PRKCE: variants seen among roughly 807,000 people sequenced by gnomAD.
PRKCE encodes the protein protein kinase C epsilon type.
Under a neutral mutation model 85.4 loss-of-function variants are expected in PRKCE, and 16 were observed. That is an observed-to-expected ratio of 0.19 (90% CI 0.13 to 0.28). The LOEUF is 0.28. PRKCE is among the 10% of genes least tolerant of loss of function. The pLI is 1.00. For synonymous variants in PRKCE, 388 were observed against 371.5 expected, an observed-to-expected ratio of 1.04 and a Z score of -0.51; for missense variants, 573 against 975.2, an observed-to-expected ratio of 0.59 and a Z score of 5.49.
intron 14 of PRKCE, among the ~76,000 whole-genome samples, chr2:46,169,987 G>A (rs554007432): frequency 3.0e-4 from 45 of 152,304 alleles, no homozygotes; most frequent in African/African-American, 9.9e-4. Context: ...TAAAATGAGG[G>A]ACTTAAGTAA....
At chr2:46,177,182 G>A (rs1679508001) in intron 14 of PRKCE, among the ~76,000 whole-genome samples, 1 of 152,226 alleles carries the variant, frequency 6.6e-6, no homozygotes, top group South Asian at 2.1e-4. Context: ...TTGGAAGGCT[G>A]AGGTGGGAGG....
intron 10 of PRKCE, among the ~76,000 whole-genome samples, chr2:46,072,369 A>G (rs1003304304): frequency 1.3e-5 from 2 of 152,254 alleles, no homozygotes; most frequent in Non-Finnish European, 2.9e-5. Flanking sequence ...TTATTAAAGC[A>G]GTCAGAACAT....
intron 2 of PRKCE, among the ~76,000 whole-genome samples, chr2:45,904,579 C>T (rs1696829593): frequency 6.6e-6 from 1 of 152,180 alleles, no homozygotes; most frequent in Non-Finnish European, 1.5e-5. Flanking sequence ...CATTTCTTCC[C>T]CTGCCAAGAA....
intron 10 of PRKCE, among the ~76,000 whole-genome samples, chr2:46,060,399 C>T (rs115903049): frequency 0.029 from 4,466 of 152,244 alleles, 83 homozygotes; most frequent in Non-Finnish European, 0.039. Flanking sequence ...ACAATACCTT[C>T]GTGATGACAC....
intron 2 of PRKCE, among the ~76,000 whole-genome samples, chr2:45,899,567 G>A (rs1263954457): frequency 1.3e-5 from 2 of 151,994 alleles, no homozygotes; most frequent in South Asian, 2.1e-4. Flanking sequence ...TTTTTTTGTA[G>A]AGACGGGGCT....
intron 1 of PRKCE, among the ~76,000 whole-genome samples, chr2:45,728,253 G>A (rs181529865): frequency 3.3e-5 from 5 of 152,304 alleles, no homozygotes; most frequent in African/African-American, 9.6e-5. Flanking sequence ...AAGGATCAAG[G>A]TTAGGGCAAG....
chr2:46,155,803 C>A lies in PRKCE; in HGVS notation c.1921-3803C>A, dbSNP rs1260447048. ...AGTTACCTTTCTCCATCCTTCTCCC[C>A]ACTATCCCCATTGGAGCCACCACCG... is the stretch of plus-strand genomic sequence containing the variant. On this transcript the variant is annotated intron_variant, in intron 13 of 14. Coordinates refer to ENST00000306156, the MANE Select transcript of PRKCE (RefSeq NM_005400.3). The surrounding 1 kb of genome is among the most constrained non-coding windows in gnomAD (Gnocchi z 4.7). Among the ~76,000 whole-genome samples, 3 of 152,166 alleles carry A rather than the reference C, an allele frequency of 2.0e-5. No homozygotes were observed. Among genetic ancestry groups the A allele is most frequent in the Non-Finnish European group, 4.4e-5 (3 of 68,020 alleles).
In PRKCE at chr2:46,065,077, C is replaced by T. The variant is rs72806758; in HGVS notation, c.1438-21131C>T. ...ATATTTAAATTATTCCACACTTCAG[C>T]GCTGGCATCACAGATTATACGATAA... On this transcript the variant is annotated intron_variant, in intron 10 of 14. Transcript: ENST00000306156. Among the ~76,000 whole-genome samples, 1,354 of 152,244 alleles carry T rather than the reference C, an allele frequency of 8.9e-3. 15 individuals are homozygous for T. Among genetic ancestry groups the T allele is most frequent in the South Asian group, 0.059 (286 of 4,812 alleles).
intron 1 of PRKCE, among the ~76,000 whole-genome samples, chr2:45,735,494 C>T (rs1681977823): frequency 6.6e-6 from 1 of 152,230 alleles, no homozygotes; most frequent in Non-Finnish European, 1.5e-5. Flanking sequence ...TTTCTGTACC[C>T]AGGCTCCATC....
At chr2:45,923,247 G>A (rs1698384741) in intron 2 of PRKCE, among the ~76,000 whole-genome samples, 1 of 152,138 alleles carries the variant, frequency 6.6e-6, no homozygotes, top group African/African-American at 2.4e-5. Flanking sequence ...TAAGTCCCTG[G>A]GTCCCTGGTA....
At chr2:45,925,881 G>A (rs1481596624) in intron 2 of PRKCE, among the ~76,000 whole-genome samples, 2 of 152,244 alleles carry the variant, frequency 1.3e-5, no homozygotes, top group Admixed American at 1.3e-4. Context: ...TTTTGCATAA[G>A]CAGATAAAAT....
intron 11 of PRKCE, among the ~76,000 whole-genome samples, chr2:46,107,036 T>C (rs1671782568): frequency 6.6e-6 from 1 of 152,262 alleles, no homozygotes; most frequent in African/African-American, 2.4e-5. Flanking sequence ...GTTTCACTCT[T>C]TGTGCTATAA....
intron 2 of PRKCE, among the ~76,000 whole-genome samples, chr2:45,865,731 A>C (rs1300840862): frequency 1.3e-5 from 2 of 152,024 alleles, no homozygotes; most frequent in Admixed American, 6.6e-5. Flanking sequence ...AGCAGCCCTC[A>C]TCAAACAACT....
At chr2:45,929,336 A>G (rs1698863125) in intron 2 of PRKCE, among the ~76,000 whole-genome samples, 1 of 152,240 alleles carries the variant, frequency 6.6e-6, no homozygotes. Flanking sequence ...GCGATAGCGG[A>G]GCCGTTCCTC....
rs1298877394 is a variant in PRKCE at position 45,697,924 on chromosome 2, T to C, written c.348+45476T>C. On this transcript the variant is annotated intron_variant, in intron 1 of 14. Transcript: ENST00000306156. This position sits in a 1 kb window ranked among gnomAD's most constrained non-coding sequence, Gnocchi z 4.2. ...AAGAAATTGAGAATATTAACACTCTTGCACACATCTTCCTAGACAGGGTGA... is the reference window on the plus strand; with the variant it reads ...AAGAAATTGAGAATATTAACACTCTCGCACACATCTTCCTAGACAGGGTGA... The C allele has an allele frequency of 6.6e-6, 1 of 152,624 alleles. No homozygotes were observed. Among genetic ancestry groups the C allele is most frequent in the Non-Finnish European group, 1.5e-5 (1 of 68,040 alleles). The allele number at this position is 152,624 out of a possible 1,614,324, so 9.5% of individuals were successfully genotyped here.
intron 11 of PRKCE, among the ~76,000 whole-genome samples, chr2:46,126,091 G>C (rs954644755): frequency 6.6e-6 from 1 of 152,204 alleles, no homozygotes; most frequent in African/African-American, 2.4e-5. Flanking sequence ...TCTGGCACAG[G>C]TAATGCTGTT....
intron 2 of PRKCE, among the ~76,000 whole-genome samples, chr2:45,862,711 C>CA (rs1304795251): frequency 6.6e-6 from 1 of 152,172 alleles, no homozygotes; most frequent in Non-Finnish European, 1.5e-5. Flanking sequence ...TGCTAGGACT[C>CA]AGAGCAGGCA....
chr2:45,839,046 G>A (rs944807959), intron 1 of PRKCE, among the ~76,000 whole-genome samples: 2 of 152,176 alleles, frequency 1.3e-5, no homozygotes, highest in Middle Eastern at 3.4e-3. Context: ...CATACAGAGG[G>A]TAGCTGCTTG....
rs1678255721 is a variant in PRKCE at position 45,697,543 on chromosome 2, C to A, written c.348+45095C>A. Among the ~76,000 whole-genome samples, 1 of 152,194 alleles carries A rather than the reference C, an allele frequency of 6.6e-6. No homozygotes were observed. Among genetic ancestry groups the A allele is most frequent in the Non-Finnish European group, 1.5e-5 (1 of 68,048 alleles). ...GGGACAGAGAACAGGCTCTGCTCTT[C>A]ACTCAGGGTGGACTGGTTGGCATCT... On this transcript the variant is annotated intron_variant, in intron 1 of 14. Coordinates refer to ENST00000306156, the MANE Select transcript of PRKCE (RefSeq NM_005400.3). This position sits in a 1 kb window ranked among gnomAD's most constrained non-coding sequence, Gnocchi z 4.2.
Sources: gnomAD v4.1 joint callset for allele counts (sites outside exome capture counted in the v4.1 genomes callset) on GRCh38, gnomAD v4.1.1 for gene constraint, Gnocchi (gnomAD v3.1) non-coding constraint, MANE v1.5 for transcripts, NCBI Gene and HGNC (gene_info 2026-07-23, HGNC 2026-07-21) for gene names.